The following OR4N2 variants were observed in gnomAD, a reference collection of about 807,000 sequenced individuals.
The protein encoded by OR4N2 is olfactory receptor family 4 subfamily N member 2, also known as olfactory receptor 4N2.
For missense variants in OR4N2, 307 were observed against 377.6 expected (o/e 0.81, Z 1.55); for synonymous variants, 141 against 140.4 (o/e 1.00, Z -0.03).
intron 1 of OR4N2, among the ~76,000 whole-genome samples, chr14:19,813,380 T>C (rs973173024): frequency 5.3e-5 from 8 of 152,254 alleles, no homozygotes; most frequent in Non-Finnish European, 1.0e-4. Context: ...GGTTGGCTTG[T>C]GGGTAGTAAG....
chr14:19,812,532 T>C (rs1380657492), intron 1 of OR4N2, among the ~76,000 whole-genome samples: 3 of 152,160 alleles, frequency 2.0e-5, no homozygotes, highest in African/African-American at 7.2e-5. Context: ...TTGTTTTTTG[T>C]ATTTTTCAGT....
chr14:19,806,811 G>A (rs11844643), intron 1 of OR4N2, among the ~76,000 whole-genome samples: 32,926 of 148,628 alleles, frequency 0.22, 1,553 homozygotes, highest in South Asian at 0.3. Flanking sequence ...TGCTTGATCA[G>A]AAAGCAAGTC....
chr14:19,817,172 C>T (rs1252020451), intron 1 of OR4N2, among the ~76,000 whole-genome samples: 2 of 152,118 alleles, frequency 1.3e-5, no homozygotes, highest in Non-Finnish European at 2.9e-5. Context: ...TGTGTCTCTG[C>T]CAGGTTTTGG....
rs746000165 is a variant in OR4N2 at position 19,827,624 on chromosome 14, T to C, written c.176T>C (p.Leu59Pro). ...TCAGACCCTGGGCTCACAGCCCCCC[T>C]CTATTTCTTTCTGGGCAACTTGGCC... ...IKSDPGLTAP[L>P]YFFLGNLAFL... is the part of the protein sequence containing the mutation. The change falls in exon 2 of 2, where the codon CTC becomes CCC. Residue 59 changes from leucine to proline, a missense_variant. Leu to Pro is a moderately conservative substitution (Grantham distance 98). Transcript: ENST00000557677. 6 of 1,614,094 alleles carry C rather than the reference T, an allele frequency of 3.7e-6. No homozygotes were observed. The East Asian group carries it at 1.3e-4, about 36-fold the overall frequency.
intron 1 of OR4N2, among the ~76,000 whole-genome samples, chr14:19,824,391 T>C (rs1417080970): frequency 6.6e-6 from 1 of 152,254 alleles, no homozygotes; most frequent in East Asian, 1.9e-4. Context: ...ACAGTGAGGC[T>C]GGGACACAGG....
chr14:19,812,392 C>T (rs1451282480), intron 1 of OR4N2, among the ~76,000 whole-genome samples: 1 of 146,464 alleles, frequency 6.8e-6, no homozygotes, highest in Non-Finnish European at 1.5e-5. Flanking sequence ...GACAGTGGCG[C>T]AATCTCGGCT....
chr14:19,812,711 T>C (rs1407831741), intron 1 of OR4N2, among the ~76,000 whole-genome samples: 2 of 152,238 alleles, frequency 1.3e-5, no homozygotes, highest in Non-Finnish European at 2.9e-5. Flanking sequence ...TGGTATCTCA[T>C]TGTGGTTTTG....
intron 1 of OR4N2, among the ~76,000 whole-genome samples, chr14:19,819,433 G>A (rs1168053857): frequency 1.3e-5 from 2 of 152,178 alleles, no homozygotes; most frequent in African/African-American, 2.4e-5. Context: ...ATTTCATTAA[G>A]TTGATCTTCA....
intron 1 of OR4N2, among the ~76,000 whole-genome samples, chr14:19,808,092 A>G (rs557215064): frequency 2.6e-5 from 4 of 152,298 alleles, no homozygotes; most frequent in South Asian, 4.1e-4. Context: ...CCTCAAAATA[A>G]TAACAGCCAT....
chr14:19,805,666 C>T (rs1255528455), intron 1 of OR4N2, among the ~76,000 whole-genome samples: 13 of 152,220 alleles, frequency 8.5e-5, no homozygotes, highest in East Asian at 5.8e-4. Context: ...AAAATAAATT[C>T]GAATATATAG....
chr14:19,813,946 G>A (rs1394571464), intron 1 of OR4N2, among the ~76,000 whole-genome samples: 1 of 147,784 alleles, frequency 6.8e-6, no homozygotes, highest in Non-Finnish European at 1.5e-5. Context: ...AAATTTTTCT[G>A]TACTTCTCTC....
intron 1 of OR4N2, among the ~76,000 whole-genome samples, chr14:19,820,491 C>T (rs7157132): frequency 0.27 from 40,778 of 148,480 alleles, 2,835 homozygotes; most frequent in African/African-American, 0.32. Flanking sequence ...TCAGAGATGG[C>T]AGGCAGGAAC....
At chr14:19,821,683 C>T (rs1879570212) in intron 1 of OR4N2, among the ~76,000 whole-genome samples, 1 of 152,208 alleles carries the variant, frequency 6.6e-6, no homozygotes, top group African/African-American at 2.4e-5. Context: ...GAAAGTAAGT[C>T]AGCTTGGTAT....
intron 1 of OR4N2, among the ~76,000 whole-genome samples, chr14:19,820,805 A>T (rs1879547126): frequency 6.6e-6 from 1 of 152,242 alleles, no homozygotes; most frequent in Non-Finnish European, 1.5e-5. Flanking sequence ...GTCCCAGGTG[A>T]ACTTCAGAGT....
intron 1 of OR4N2, among the ~76,000 whole-genome samples, chr14:19,815,318 T>A (rs1389717730): frequency 6.6e-6 from 1 of 152,254 alleles, no homozygotes; most frequent in Non-Finnish European, 1.5e-5. Flanking sequence ...TTTCTCCACA[T>A]CCTCTCCAGC....
Position 19,828,431 on chromosome 14 carries a change from T to C in OR4N2, c.*59T>C. 2.1e-6 allele frequency: 3 copies of C among 1,437,802 alleles called. No individual in the cohort carries two copies. Among genetic ancestry groups the C allele is most frequent in the Non-Finnish European group, 1.9e-6 (2 of 1,069,170 alleles). The allele number at this position is 1,437,802 out of a possible 1,614,324, so 89.1% of individuals were successfully genotyped here. A position where few individuals can be genotyped will look rare whatever the true frequency, so the allele number is the denominator to read the frequency against. ...ACTGTAGAATTTTATCTGAAATTGA[T>C]TTGTTTATTTCCAAGTACTGCAATC... is the stretch of plus-strand genomic sequence containing the variant. On this transcript the variant is annotated 3_prime_UTR_variant, in exon 2 of 2. Transcript: ENST00000557677.
chr14:19,829,135 T>C lies in OR4N2; in HGVS notation c.*763T>C, dbSNP rs562642916. On this transcript the variant is annotated 3_prime_UTR_variant, in exon 2 of 2. Coordinates refer to ENST00000557677, the MANE Select transcript of OR4N2 (RefSeq NM_001004723.3). Reference sequence around the variant, plus strand: ...ATTTGTAAGTGCACTTTGAAAGATATTAAACTACCAATTTTTCTTACATAA... The same window carrying C: ...ATTTGTAAGTGCACTTTGAAAGATACTAAACTACCAATTTTTCTTACATAA... 2.0e-5 allele frequency: 3 copies of C among 152,234 alleles called. No individual in the cohort carries two copies. The highest frequency in any genetic ancestry group is 4.4e-5 in the Non-Finnish European group (3 of 68,046). The allele number at this position is 152,234 out of a possible 1,614,324, so 9.4% of individuals were successfully genotyped here.
chr14:19,822,238 T>C (rs1879584985), intron 1 of OR4N2: 1 of 146,296 alleles, frequency 6.8e-6, no homozygotes, highest in Non-Finnish European at 1.5e-5. Flanking sequence ...TTTAATTCTA[T>C]TATAATTTTC....
chr14:19,805,434 A>C (rs930687568), intron 1 of OR4N2, among the ~76,000 whole-genome samples: 19 of 152,230 alleles, frequency 1.2e-4, no homozygotes, highest in Non-Finnish European at 2.8e-4. Flanking sequence ...TCACTAGAAG[A>C]ACTTCATAAT....
Sources: gnomAD v4.1 joint callset for allele counts (sites outside exome capture counted in the v4.1 genomes callset) on GRCh38, gnomAD v4.1.1 for gene constraint, MANE v1.5 for transcripts, NCBI Gene and HGNC (gene_info 2026-07-23, HGNC 2026-07-21) for gene names.